TMEM178B: variants seen among roughly 807,000 people sequenced by gnomAD.
The protein encoded by TMEM178B is transmembrane protein 178B.
A neutral mutation model predicts 31.0 loss-of-function variants in TMEM178B; 5 were observed. The ratio of observed to expected loss-of-function variants is 0.16; its 90% confidence interval spans 0.08 to 0.34. The LOEUF (loss-of-function observed/expected upper bound fraction) is 0.34, where lower values mean the gene tolerates loss of function less well. Among genes scored for constraint, TMEM178B ranks in the 10% least tolerant of loss-of-function variants. TMEM178B has a pLI of 1.00. For synonymous variants in TMEM178B, 164 were observed against 164.0 expected, an observed-to-expected ratio of 1.00 and a Z score of 0.00; for missense variants, 275 against 400.3, an observed-to-expected ratio of 0.69 and a Z score of 2.67.
intron 2 of TMEM178B, among the ~76,000 whole-genome samples, chr7:141,319,856 A>C (rs1014524364): frequency 6.6e-6 from 1 of 152,168 alleles, no homozygotes; most frequent in African/African-American, 2.4e-5. Context: ...GCCTTAAGCA[A>C]GTTTCTTAAT....
chr7:141,193,719 T>G (rs937167735), intron 1 of TMEM178B, among the ~76,000 whole-genome samples: 1 of 152,174 alleles, frequency 6.6e-6, no homozygotes, highest in African/African-American at 2.4e-5. Context: ...GCAGCCATAC[T>G]CAGGCCCCAA....
At chr7:141,340,315 T>C (rs933773068) in intron 2 of TMEM178B, among the ~76,000 whole-genome samples, 2 of 152,222 alleles carry the variant, frequency 1.3e-5, no homozygotes, top group Non-Finnish European at 2.9e-5. Context: ...ATAATCGGTT[T>C]GTGTTGTAAG....
chr7:141,249,184 G>A (rs962519023), intron 2 of TMEM178B, among the ~76,000 whole-genome samples: 1 of 152,184 alleles, frequency 6.6e-6, no homozygotes, highest in East Asian at 1.9e-4. Flanking sequence ...CCCAGTGGGA[G>A]ATCGTTGAAT....
At chr7:141,469,544 T>A (rs912632416) in intron 3 of TMEM178B, among the ~76,000 whole-genome samples, 4 of 152,186 alleles carry the variant, frequency 2.6e-5, no homozygotes, top group African/African-American at 9.7e-5. Flanking sequence ...CCTATAAAAG[T>A]GCTTTTCCTT....
chr7:141,127,734 G>A (rs1289603010), intron 1 of TMEM178B, among the ~76,000 whole-genome samples: 1 of 152,128 alleles, frequency 6.6e-6, no homozygotes, highest in Non-Finnish European at 1.5e-5. Flanking sequence ...CAGTCCTAGG[G>A]AACTAACACA....
chr7:141,309,489 T>C (rs1282436378), intron 2 of TMEM178B, among the ~76,000 whole-genome samples: 1 of 152,216 alleles, frequency 6.6e-6, no homozygotes, highest in Non-Finnish European at 1.5e-5. Context: ...TAACTGTTGC[T>C]AGCATTTTGG....
At chr7:141,255,899 A>T (rs1797919079) in intron 2 of TMEM178B, among the ~76,000 whole-genome samples, 1 of 152,218 alleles carries the variant, frequency 6.6e-6, no homozygotes. Flanking sequence ...TGGATCAGGC[A>T]TCGAGAGAAC....
chr7:141,184,553 G>A (rs1796578051), intron 1 of TMEM178B, among the ~76,000 whole-genome samples: 1 of 152,166 alleles, frequency 6.6e-6, no homozygotes, highest in South Asian at 2.1e-4. Context: ...ATATGTGGGA[G>A]CCTCTGCTCT....
At chr7:141,231,036 T>C (rs2129191550) in intron 2 of TMEM178B, among the ~76,000 whole-genome samples, 1 of 152,286 alleles carries the variant, frequency 6.6e-6, no homozygotes, top group South Asian at 2.1e-4. Flanking sequence ...CACCAAGCCC[T>C]AAGTGATGTT....
At chr7:141,223,535 G>T (rs1411020799) in intron 2 of TMEM178B, among the ~76,000 whole-genome samples, 1 of 147,692 alleles carries the variant, frequency 6.8e-6, no homozygotes, top group Non-Finnish European at 1.5e-5. Context: ...AACTTTGGAG[G>T]TCATAGCCAA....
intron 2 of TMEM178B, among the ~76,000 whole-genome samples, chr7:141,220,204 G>A (rs1343352720): frequency 1.0e-5 from 1 of 95,850 alleles, no homozygotes; most frequent in East Asian, 5.6e-4. Context: ...ATACTTGGGA[G>A]GCTGAGGCAG....
intron 3 of TMEM178B, among the ~76,000 whole-genome samples, chr7:141,456,638 G>C (rs1112150): frequency 0.029 from 4,422 of 152,262 alleles, 77 homozygotes; most frequent in Middle Eastern, 0.065. Context: ...TGTCAGAAAA[G>C]GTCTGCAGGA....
intron 2 of TMEM178B, among the ~76,000 whole-genome samples, chr7:141,301,325 C>T (rs905948693): frequency 2.6e-5 from 4 of 152,172 alleles, no homozygotes; most frequent in Non-Finnish European, 4.4e-5. Context: ...AATAAACATG[C>T]ACAATATATA....
intron 2 of TMEM178B, among the ~76,000 whole-genome samples, chr7:141,280,070 A>G (rs540141113): frequency 6.6e-6 from 1 of 152,218 alleles, no homozygotes; most frequent in South Asian, 2.1e-4. Context: ...TCCTCTAGAA[A>G]AAGGAAATAA....
intron 3 of TMEM178B, among the ~76,000 whole-genome samples, chr7:141,450,150 C>T (rs191883405): frequency 4.6e-5 from 7 of 152,340 alleles, no homozygotes; most frequent in Non-Finnish European, 2.9e-5. Flanking sequence ...GATCATTTCT[C>T]ATACCTTGTG....
intron 1 of TMEM178B, among the ~76,000 whole-genome samples, chr7:141,091,009 A>G (rs1794871587): frequency 6.6e-6 from 1 of 152,236 alleles, no homozygotes. Flanking sequence ...TTTAGCAGAT[A>G]AATATAGATA....
intron 2 of TMEM178B, among the ~76,000 whole-genome samples, chr7:141,235,868 C>T (rs1317643462): frequency 6.6e-6 from 1 of 152,200 alleles, no homozygotes; most frequent in East Asian, 1.9e-4. Flanking sequence ...TTACAATCTC[C>T]CCTAGACACG....
chr7:141,121,807 G>T (rs1795411947), intron 1 of TMEM178B, among the ~76,000 whole-genome samples: 1 of 152,030 alleles, frequency 6.6e-6, no homozygotes, highest in African/African-American at 2.4e-5. Flanking sequence ...GCTTTCCTTG[G>T]GTCTCTGGAG....
At chr7:141,241,409 T>G (rs1005438065) in intron 2 of TMEM178B, among the ~76,000 whole-genome samples, 1 of 151,792 alleles carries the variant, frequency 6.6e-6, no homozygotes, top group Non-Finnish European at 1.5e-5. Context: ...CTGGCCAACA[T>G]GGTGAAAACC....
Sources: gnomAD v4.1 joint callset for allele counts (sites outside exome capture counted in the v4.1 genomes callset) on GRCh38, gnomAD v4.1.1 for gene constraint, MANE v1.5 for transcripts, NCBI Gene and HGNC (gene_info 2026-07-23, HGNC 2026-07-21) for gene names.